FRK: variants seen among roughly 807,000 people sequenced by gnomAD.
FRK encodes fyn related Src family tyrosine kinase, also known as tyrosine-protein kinase FRK.
A neutral mutation model predicts 56.4 loss-of-function variants in FRK; 51 were observed. The ratio of observed to expected loss-of-function variants is 0.90; its 90% CI spans 0.72 to 1.14. FRK has a LOEUF of 1.14. FRK is among the 50% of genes most tolerant of loss of function. The pLI is 0.00. For missense variants in FRK, 570 were observed against 601.4 expected, an observed-to-expected ratio of 0.95 and a Z score of 0.55; for synonymous variants, 245 against 217.9, an observed-to-expected ratio of 1.12 and a Z score of -1.10.
intron 1 of FRK, among the ~76,000 whole-genome samples, chr6:116,018,686 C>A (rs1036342657): frequency 6.6e-6 from 1 of 152,046 alleles, no homozygotes; most frequent in Admixed American, 6.6e-5. Context: ...ATATTCCCTG[C>A]CTCAATGACT....
At chr6:116,021,283 T>A (rs536211326) in intron 1 of FRK, among the ~76,000 whole-genome samples, 1 of 151,870 alleles carries the variant, frequency 6.6e-6, no homozygotes, top group South Asian at 2.1e-4. Context: ...TCACAAAATA[T>A]AAGCTTCCTA....
At chr6:116,004,304 A>G (rs1012712902) in intron 1 of FRK, among the ~76,000 whole-genome samples, 29 of 152,126 alleles carry the variant, frequency 1.9e-4, no homozygotes, top group African/African-American at 6.8e-4. Flanking sequence ...CCAAAGCCCC[A>G]GTGTCTGCCT....
chr6:116,098,120 TTTTTTTTA>T, the FRK span, among the ~76,000 whole-genome samples: 3 of 129,944 alleles, frequency 2.3e-5, no homozygotes, highest in African/African-American at 3.2e-5. Flanking sequence ...TTTTTTTTTT[TTTTTTTTA>T]AAAGACAGGG....
chr6:116,090,397 C>A, the FRK span, among the ~76,000 whole-genome samples: 1 of 152,190 alleles, frequency 6.6e-6, no homozygotes, highest in Admixed American at 6.5e-5. Flanking sequence ...ACCTCACCTT[C>A]CCCCATCATA....
In FRK at chr6:116,023,880, T is replaced by C. The variant is rs562159332; in HGVS notation, c.345-19882A>G. Among the ~76,000 whole-genome samples the C allele has an allele frequency of 1.9e-4, 29 of 152,312 alleles. 1 individual carries two copies. In the East Asian group the frequency reaches 5.2e-3, roughly 27 times the overall value. Reference sequence around the variant, plus strand: ...ATCTGTTATTTTACTGTGTGTAAACTGTACGTAAGAAAGAATAATTTTTCA... The same window carrying C: ...ATCTGTTATTTTACTGTGTGTAAACCGTACGTAAGAAAGAATAATTTTTCA... On this transcript the variant is annotated intron_variant, in intron 1 of 7. Transcript: ENST00000606080.
chr6:115,959,355 T>G (rs1773232572), intron 4 of FRK, among the ~76,000 whole-genome samples: 1 of 152,224 alleles, frequency 6.6e-6, no homozygotes, highest in African/African-American at 2.4e-5. Context: ...TGTTGTCTTT[T>G]GACTTCCCAA....
At chr6:116,054,066 A>G (rs1008100774) in intron 1 of FRK, among the ~76,000 whole-genome samples, 2 of 151,846 alleles carry the variant, frequency 1.3e-5, no homozygotes, top group African/African-American at 4.8e-5. Context: ...TATTTTTCTT[A>G]AAAATAGTGG....
intron 1 of FRK, among the ~76,000 whole-genome samples, chr6:116,056,882 G>A (rs1036674740): frequency 1.6e-4 from 25 of 152,164 alleles, no homozygotes; most frequent in African/African-American, 5.8e-4. Context: ...ATCACTTAGT[G>A]GAAGATATTC....
intron 5 of FRK, among the ~76,000 whole-genome samples, chr6:115,948,134 C>T (rs1052450004): frequency 1.3e-5 from 2 of 152,216 alleles, no homozygotes; most frequent in South Asian, 2.1e-4. Flanking sequence ...GTTGTTCTCT[C>T]GCTTGCTCAC....
intron 1 of FRK, among the ~76,000 whole-genome samples, chr6:116,058,754 C>CA (rs371399287): frequency 2.0e-5 from 3 of 151,490 alleles, no homozygotes; most frequent in African/African-American, 7.3e-5. Context: ...ACTAAAAATA[C>CA]AAAAAAATTA....
intron 2 of FRK, among the ~76,000 whole-genome samples, chr6:115,993,794 T>G (rs1295157772): frequency 1.3e-5 from 2 of 152,024 alleles, no homozygotes; most frequent in Non-Finnish European, 2.9e-5. Context: ...CCTCACAAAC[T>G]TTAATCTATT....
the FRK span, among the ~76,000 whole-genome samples, chr6:116,085,860 G>A: frequency 1.3e-5 from 2 of 152,190 alleles, no homozygotes; most frequent in Non-Finnish European, 2.9e-5. Context: ...AAAGAAAATG[G>A]ACATGTTTTT....
intron 4 of FRK, among the ~76,000 whole-genome samples, chr6:115,959,158 T>G (rs1284383767): frequency 1.3e-5 from 2 of 152,228 alleles, no homozygotes; most frequent in Admixed American, 6.5e-5. Context: ...CAGGCTCATC[T>G]TTATTGCGTA....
At chr6:116,036,166 A>G (rs1427265497) in intron 1 of FRK, among the ~76,000 whole-genome samples, 1 of 152,104 alleles carries the variant, frequency 6.6e-6, no homozygotes, top group Non-Finnish European at 1.5e-5. Context: ...CAGCAACTTA[A>G]GAAGAAATGA....
intron 1 of FRK, among the ~76,000 whole-genome samples, chr6:116,046,433 A>G (rs780448116): frequency 2.0e-5 from 3 of 152,246 alleles, no homozygotes; most frequent in Admixed American, 1.3e-4. Flanking sequence ...CATATACACC[A>G]TGGAATACTA....
At chr6:115,978,046 A>G (rs1424028301) in intron 2 of FRK, among the ~76,000 whole-genome samples, 5 of 152,224 alleles carry the variant, frequency 3.3e-5, no homozygotes, top group African/African-American at 1.2e-4. Flanking sequence ...CTCATATTGC[A>G]GAGAAATGCT....
rs1344821740 is a variant in FRK, at chr6:115,932,280, G to A, written c.*10134C>T. ...AGAAAAATCTAAGAGTTTAGTGGGG[G>A]AATGTAGGCAGTAAGAGGATAACAC... On this transcript the variant is annotated 3_prime_UTR_variant, in exon 8 of 8. Coordinates refer to ENST00000606080, the MANE Select transcript of FRK (RefSeq NM_002031.3). The A allele has an allele frequency of 6.6e-6, 1 of 152,134 alleles. No individual in the cohort carries two copies. Among genetic ancestry groups the A allele is most frequent in the Non-Finnish European group, 1.5e-5 (1 of 68,024 alleles). The allele number at this position is 152,134 out of a possible 1,614,324, so 9.4% of individuals were successfully genotyped here.
intron 2 of FRK, among the ~76,000 whole-genome samples, chr6:116,000,539 A>C (rs1775025805): frequency 6.6e-6 from 1 of 151,700 alleles, no homozygotes; most frequent in African/African-American, 2.4e-5. Context: ...GAGCCACCAC[A>C]CCCTGCCTCA....
At chr6:115,946,240 C>T (rs183791052) in intron 5 of FRK, among the ~76,000 whole-genome samples, 10 of 152,182 alleles carry the variant, frequency 6.6e-5, no homozygotes, top group Admixed American at 4.6e-4. Context: ...GGCCAGGAAA[C>T]CTGGTTTGAA....
Sources: allele counts gnomAD v4.1 joint callset (sites outside exome capture counted in the v4.1 genomes callset), GRCh38; gene constraint gnomAD v4.1.1; transcripts MANE v1.5; gene names NCBI Gene and HGNC (gene_info 2026-07-23, HGNC 2026-07-21).